Variants in CNTNAP3 observed in about 807,000 individuals in gnomAD.
CNTNAP3 encodes the protein contactin associated protein family member 3.
A neutral mutation model predicts 92.1 loss-of-function variants in CNTNAP3; 36 were observed. The ratio of observed to expected loss-of-function variants is 0.39; its 90% CI spans 0.30 to 0.52. CNTNAP3 has a LOEUF of 0.52. Ranked by LOEUF, CNTNAP3 falls within the 20% of genes least tolerant of loss-of-function variation. The pLI is 0.76. For synonymous variants in CNTNAP3, 232 were observed against 422.3 expected (o/e 0.55, Z 5.53); for missense variants, 534 against 1,069.6 (o/e 0.50, Z 6.98).
At chr9:39,119,082 A>G (rs1269053145) in intron 13 of CNTNAP3, among the ~76,000 whole-genome samples, 1 of 152,162 alleles carries the variant, frequency 6.6e-6, no homozygotes, top group Non-Finnish European at 1.5e-5. Flanking sequence ...CACCTATCTT[A>G]AAAAAGGAAG....
chr9:39,143,980 A>T (rs1453367032), intron 11 of CNTNAP3, among the ~76,000 whole-genome samples: 1 of 152,180 alleles, frequency 6.6e-6, no homozygotes, highest in Non-Finnish European at 1.5e-5. Flanking sequence ...ACCTTTTACT[A>T]TATCTGATTC....
At chr9:39,125,589 A>C (rs1821135565) in intron 13 of CNTNAP3, among the ~76,000 whole-genome samples, 1 of 152,214 alleles carries the variant, frequency 6.6e-6, no homozygotes, top group Non-Finnish European at 1.5e-5. Flanking sequence ...GTCTACTGAA[A>C]TCCTCTTTAA....
At chr9:39,129,266 T>C (rs1259510976) in intron 13 of CNTNAP3, among the ~76,000 whole-genome samples, 1 of 152,246 alleles carries the variant, frequency 6.6e-6, no homozygotes, top group Non-Finnish European at 1.5e-5. Context: ...GACAGTGTGA[T>C]ATTGGTGGAG....
intron 20 of CNTNAP3, chr9:39,086,086 T>C (rs901131396): frequency 3.7e-6 from 2 of 543,104 alleles, no homozygotes; most frequent in Admixed American, 6.6e-5. Flanking sequence ...GAAGGATCTA[T>C]AATTGGCAGA....
chr9:39,139,446 C>T (rs1042236267), intron 12 of CNTNAP3, among the ~76,000 whole-genome samples: 2 of 152,224 alleles, frequency 1.3e-5, no homozygotes, highest in African/African-American at 4.8e-5. Context: ...ATCTTCTGAA[C>T]GTCCCCTGTA....
chr9:39,104,477 T>TACACACACACAC (rs60068368), intron 15 of CNTNAP3, among the ~76,000 whole-genome samples: 1,565 of 123,086 alleles, frequency 0.013, 26 homozygotes, highest in Non-Finnish European at 0.018. Flanking sequence ...CACATACACA[T>TACACACACACAC]ACACACACAC....
intron 11 of CNTNAP3, among the ~76,000 whole-genome samples, chr9:39,143,183 T>C (rs1367566449): frequency 1.3e-5 from 2 of 150,912 alleles, no homozygotes; most frequent in Non-Finnish European, 3.0e-5. Flanking sequence ...AGGGTGATTC[T>C]TCAGTAAAGA....
chr9:39,133,023 C>T lies in CNTNAP3; in HGVS notation c.1989G>A (p.Ala663=). Reference sequence around the variant, plus strand: ...GGTTCACCGCGGACCGCAGCTGCCCCGCGCCCGCTGCGTACGCGAAGGACA... The same window carrying T: ...GGTTCACCGCGGACCGCAGCTGCCCTGCGCCCGCTGCGTACGCGAAGGACA... ...SAVSFAYAAG[A]GQLRSAVNLA... Residue 663 remains alanine, a synonymous_variant, in exon 13 of 24, where the codon GCG becomes GCA. Transcript: ENST00000297668. The T allele has an allele frequency of 1.3e-6, 2 of 1,542,292 alleles. No homozygotes were observed. Among genetic ancestry groups the T allele is most frequent in the East Asian group, 2.4e-5 (1 of 41,950 alleles).
intron 15 of CNTNAP3, among the ~76,000 whole-genome samples, chr9:39,104,776 T>G (rs1826559203): frequency 6.6e-6 from 1 of 152,120 alleles, no homozygotes; most frequent in Non-Finnish European, 1.5e-5. Context: ...ATTCATGTTG[T>G]GCATTTTTGT....
At chr9:39,138,837 C>T (rs1821504419) in intron 12 of CNTNAP3, among the ~76,000 whole-genome samples, 1 of 152,254 alleles carries the variant, frequency 6.6e-6, no homozygotes, top group East Asian at 1.9e-4. Context: ...TATAAGCCTG[C>T]CTGTCTCTCC....
At chr9:39,121,415 G>C (rs1341274534) in intron 13 of CNTNAP3, among the ~76,000 whole-genome samples, 3 of 152,040 alleles carry the variant, frequency 2.0e-5, no homozygotes, top group African/African-American at 7.3e-5. Flanking sequence ...TTTCCAATCT[G>C]ATATGACGTT....
intron 14 of CNTNAP3, among the ~76,000 whole-genome samples, chr9:39,113,937 CTTTGCATA>C (rs1820779295): frequency 6.6e-6 from 1 of 151,344 alleles, no homozygotes; most frequent in South Asian, 2.1e-4. Flanking sequence ...GTCAATTTGC[CTTTGCATA>C]TTTGTTAATT....
intron 9 of CNTNAP3, among the ~76,000 whole-genome samples, chr9:39,158,295 T>C (rs1359774947): frequency 7.6e-6 from 1 of 132,238 alleles, no homozygotes; most frequent in Non-Finnish European, 1.6e-5. Flanking sequence ...TGATCTTTTA[T>C]TTAGGCCTAT....
chr9:39,101,013 G>A (rs1168595302), intron 17 of CNTNAP3, among the ~76,000 whole-genome samples: 4 of 150,516 alleles, frequency 2.7e-5, no homozygotes, highest in African/African-American at 4.9e-5. Context: ...TTCATCCACC[G>A]CAATGAATGC....
rs1449807389 is a variant in CNTNAP3 at position 39,066,703 on chromosome 9, G to A, written c.*7187C>T. On this transcript the variant is annotated 3_prime_UTR_variant, in exon 24 of 24. Transcript: ENST00000297668. ...GAAGCATGAAAGATGTTGCTCCACT[G>A]CCCTTCCCCTTGCATTGCTTCCAAA... is the stretch of plus-strand genomic sequence containing the variant. 6.6e-6 allele frequency among the ~76,000 whole-genome samples: 1 copy of A among 152,306 alleles called. No homozygotes were observed.
rs185114107 is a variant in CNTNAP3, at chr9:39,081,159, C to T, written c.3443-2239G>A. On this transcript the variant is annotated intron_variant, in intron 21 of 23. Transcript: ENST00000297668. ...TCTGAAGTGTACCTGGCAATCACAC[C>T]ACAATCCAGGAAGAAACTCGTGATT... 9.0e-4 allele frequency among the ~76,000 whole-genome samples: 137 copies of T among 151,510 alleles called. 1 individual carries two copies. The highest frequency in any genetic ancestry group is 6.4e-3 in the Admixed American group (98 of 15,242).
chr9:39,133,056 G>A lies in CNTNAP3; in HGVS notation c.1956C>T (p.Arg652=). ...CTGCGTACGCGAAGGACACAGCCGA[G>A]CGCGGGTGCCCGCTGGGGGCACCTC... ...TLRGAPSGHP[R]SAVSFAYAAG... The change falls in exon 13 of 24, where the codon CGC becomes CGT. Residue 652 remains arginine, a synonymous_variant. Transcript: ENST00000297668. The A allele has an allele frequency of 5.8e-6, 9 of 1,555,920 alleles. No individual in the cohort carries two copies. The highest frequency in any genetic ancestry group is 6.0e-6 in the Non-Finnish European group (7 of 1,157,502).
chr9:39,115,004 C>T (rs937421890), intron 14 of CNTNAP3, among the ~76,000 whole-genome samples: 3 of 150,446 alleles, frequency 2.0e-5, no homozygotes, highest in Admixed American at 6.6e-5. Flanking sequence ...CATTATAGTG[C>T]CTTTTAAATA....
At chr9:39,091,126 T>C (rs1414427533) in intron 18 of CNTNAP3, among the ~76,000 whole-genome samples, 1 of 152,024 alleles carries the variant, frequency 6.6e-6, no homozygotes, top group Non-Finnish European at 1.5e-5. Flanking sequence ...CATCCTCAAA[T>C]AGAGATAGTT....
Sources: allele counts gnomAD v4.1 joint callset (sites outside exome capture counted in the v4.1 genomes callset), GRCh38; gene constraint gnomAD v4.1.1; transcripts MANE v1.5; gene names NCBI Gene and HGNC (gene_info 2026-07-23, HGNC 2026-07-21).